The following ENOX1 variants were observed in gnomAD, a reference collection of about 807,000 sequenced individuals.
ENOX1 encodes the protein candidate growth-related and time keeping constitutive hydroquinone (NADH) oxidase.
In ENOX1, 42 loss-of-function variants were observed where a neutral mutation model predicts 82.5. The observed-to-expected ratio is 0.51, with a 90% CI of 0.40 to 0.66. The LOEUF (loss-of-function observed/expected upper bound fraction) is 0.66. Among genes scored for constraint, ENOX1 ranks in the 30% least tolerant of loss-of-function variants. The pLI, the probability that ENOX1 is intolerant of heterozygous loss-of-function variation, is 0.00. For synonymous variants in ENOX1, 271 were observed against 282.2 expected (o/e 0.96, Z 0.40); for missense variants, 608 against 811.6 (o/e 0.75, Z 3.05).
chr13:43,563,804 A>G (rs943134227), intron 2 of ENOX1, among the ~76,000 whole-genome samples: 6 of 152,148 alleles, frequency 3.9e-5, no homozygotes, highest in Non-Finnish European at 8.8e-5. Context: ...GAAGAAATCC[A>G]AAACCTCAAA....
intron 9 of ENOX1, among the ~76,000 whole-genome samples, chr13:43,330,703 C>A (rs188027930): frequency 1.5e-3 from 232 of 152,140 alleles, no homozygotes; most frequent in Non-Finnish European, 1.7e-3. Flanking sequence ...CCTAGTATAC[C>A]CAGCAGCTGT....
At chr13:43,753,410 C>T (rs533711658) in intron 1 of ENOX1, among the ~76,000 whole-genome samples, 6 of 152,216 alleles carry the variant, frequency 3.9e-5, no homozygotes, top group East Asian at 3.9e-4. Context: ...CTAAGTATTT[C>T]GTATTTTTGA....
At chr13:43,605,565 C>G (rs2081941668) in intron 2 of ENOX1, among the ~76,000 whole-genome samples, 1 of 152,120 alleles carries the variant, frequency 6.6e-6, no homozygotes. Flanking sequence ...AAAGTACAGT[C>G]TCTTCAATAA....
intron 2 of ENOX1, among the ~76,000 whole-genome samples, chr13:43,525,875 G>A (rs1299327513): frequency 6.6e-6 from 1 of 152,000 alleles, no homozygotes; most frequent in Non-Finnish European, 1.5e-5. Flanking sequence ...GATATTCTGG[G>A]TATTAACCCC....
intron 1 of ENOX1, among the ~76,000 whole-genome samples, chr13:43,753,327 T>C (rs2153831781): frequency 6.6e-6 from 1 of 152,296 alleles, no homozygotes; most frequent in South Asian, 2.1e-4. Context: ...ACAATTTAGG[T>C]CTTTTAAAAT....
intron 2 of ENOX1, among the ~76,000 whole-genome samples, chr13:43,620,483 A>T (rs555710633): frequency 6.6e-6 from 1 of 152,044 alleles, no homozygotes; most frequent in Non-Finnish European, 1.5e-5. Context: ...TTAAATTTCC[A>T]TCTTGATTTT....
chr13:43,474,943 G>A (rs1253912646), intron 3 of ENOX1, among the ~76,000 whole-genome samples: 2 of 152,118 alleles, frequency 1.3e-5, no homozygotes, highest in African/African-American at 4.8e-5. Context: ...CAGAGAAAGG[G>A]AGAAGGAGGT....
intron 1 of ENOX1, among the ~76,000 whole-genome samples, chr13:43,701,392 G>T (rs890386035): frequency 6.6e-6 from 1 of 152,026 alleles, no homozygotes; most frequent in East Asian, 1.9e-4. Context: ...GGGTGCACAC[G>T]GTTACAAACC....
In ENOX1 at chr13:43,622,779, G is replaced by A. The variant is rs538374058; in HGVS notation, c.-219+44700C>T. 1.4e-4 allele frequency among the ~76,000 whole-genome samples: 21 copies of A among 152,176 alleles called. 1 individual carries two copies. In the South Asian group the frequency reaches 4.4e-3, roughly 32 times the overall value. On this transcript the variant is annotated intron_variant, in intron 2 of 16. Coordinates refer to ENST00000690772, the MANE Select transcript of ENOX1 (RefSeq NM_001347969.2). ...TTTCCAGAGAGCGTCAGCTGTGGTA[G>A]TATGGGAAGGAATGGGTGGTGGGGT...
chr13:43,508,789 TAAC>T (rs1217072085), intron 2 of ENOX1, among the ~76,000 whole-genome samples: 1 of 152,002 alleles, frequency 6.6e-6, no homozygotes, highest in Non-Finnish European at 1.5e-5. Context: ...AAAAAGGAAC[TAAC>T]AAAAATATAA....
At chr13:43,468,403 G>A (rs887320590) in intron 3 of ENOX1, among the ~76,000 whole-genome samples, 23 of 151,666 alleles carry the variant, frequency 1.5e-4, no homozygotes, top group East Asian at 7.7e-4. Flanking sequence ...GCATGGTCTC[G>A]ACCTCTTGAC....
intron 5 of ENOX1, among the ~76,000 whole-genome samples, chr13:43,403,950 C>T (rs1303851526): frequency 6.6e-6 from 1 of 152,174 alleles, no homozygotes; most frequent in Non-Finnish European, 1.5e-5. Flanking sequence ...GCATGTGTAG[C>T]GTCTATGGCA....
chr13:43,519,354 C>G (rs565580360), intron 2 of ENOX1, among the ~76,000 whole-genome samples: 1 of 152,084 alleles, frequency 6.6e-6, no homozygotes, highest in East Asian at 1.9e-4. Flanking sequence ...TAATCACATG[C>G]CTGCTTAAAA....
chr13:43,325,519 T>C (rs1257667452), intron 10 of ENOX1, among the ~76,000 whole-genome samples: 1 of 152,214 alleles, frequency 6.6e-6, no homozygotes, highest in African/African-American at 2.4e-5. Context: ...TAGTACTTTG[T>C]GATTCCTCAA....
At chr13:43,738,233 A>G (rs927753923) in intron 1 of ENOX1, among the ~76,000 whole-genome samples, 40 of 152,212 alleles carry the variant, frequency 2.6e-4, no homozygotes, top group African/African-American at 9.4e-4. Flanking sequence ...TTTATAAATT[A>G]GGCCATAGTA....
intron 1 of ENOX1, among the ~76,000 whole-genome samples, chr13:43,678,050 A>G (rs1012770970): frequency 3.3e-5 from 5 of 152,168 alleles, no homozygotes; most frequent in African/African-American, 1.2e-4. Flanking sequence ...TTACTTGGAA[A>G]TCTGGGAGGT....
chr13:43,259,682 G>C (rs971040761), intron 14 of ENOX1, among the ~76,000 whole-genome samples: 2 of 152,122 alleles, frequency 1.3e-5, no homozygotes, highest in Non-Finnish European at 2.9e-5. Flanking sequence ...CACCATCTTG[G>C]CCAGGCTAGT....
At chr13:43,496,796 A>G (rs991682401) in intron 2 of ENOX1, among the ~76,000 whole-genome samples, 4 of 152,226 alleles carry the variant, frequency 2.6e-5, no homozygotes, top group African/African-American at 9.6e-5. Flanking sequence ...CCATTGATCT[A>G]TTTGTCTATC....
chr13:43,467,145 G>C (rs1057146075), intron 3 of ENOX1, among the ~76,000 whole-genome samples: 1 of 152,142 alleles, frequency 6.6e-6, no homozygotes, highest in African/African-American at 2.4e-5. Context: ...CTATACCTAG[G>C]AGCGAGATAA....
Sources: gnomAD v4.1 joint callset for allele counts (sites outside exome capture counted in the v4.1 genomes callset) on GRCh38, gnomAD v4.1.1 for gene constraint, MANE v1.5 for transcripts, NCBI Gene and HGNC (gene_info 2026-07-23, HGNC 2026-07-21) for gene names.